MARCHF1: variants seen among roughly 807,000 people sequenced by gnomAD.
The protein encoded by MARCHF1 is E3 ubiquitin-protein ligase MARCHF1.
In MARCHF1, 40 loss-of-function variants were observed where a neutral mutation model predicts 54.2. That is an observed-to-expected ratio of 0.74 (90% confidence interval 0.57 to 0.96). The LOEUF (loss-of-function observed/expected upper bound fraction) is 0.96. MARCHF1 is among the 40% of genes least tolerant of loss of function. MARCHF1 has a pLI of 0.00. For missense variants in MARCHF1, 586 were observed against 656.5 expected (o/e 0.89, Z 1.17); for synonymous variants, 236 against 236.3 (o/e 1.00, Z 0.01).
chr4:163,688,497 T>A (rs1561020122), intron 5 of MARCHF1, among the ~76,000 whole-genome samples: 1 of 152,168 alleles, frequency 6.6e-6, no homozygotes, highest in South Asian at 2.1e-4. Flanking sequence ...CTTATTGTCA[T>A]AGTTAGAATA....
intron 2 of MARCHF1, among the ~76,000 whole-genome samples, chr4:164,037,992 A>G (rs1250271607): frequency 6.6e-6 from 1 of 152,166 alleles, no homozygotes; most frequent in African/African-American, 2.4e-5. Flanking sequence ...GTGGTGGGAA[A>G]GAAATGGGTG....
chr4:164,163,116 A>G (rs1730283799), intron 1 of MARCHF1, among the ~76,000 whole-genome samples: 1 of 152,146 alleles, frequency 6.6e-6, no homozygotes, highest in African/African-American at 2.4e-5. Context: ...CAATTAAAAT[A>G]GTAAAGAATG....
At chr4:163,848,496 T>G (rs1749550160) in intron 4 of MARCHF1, among the ~76,000 whole-genome samples, 1 of 152,220 alleles carries the variant, frequency 6.6e-6, no homozygotes, top group Non-Finnish European at 1.5e-5. Flanking sequence ...ATTTTTCAAC[T>G]CTAATCCTCA....
intron 4 of MARCHF1, among the ~76,000 whole-genome samples, chr4:163,755,074 T>G (rs529072244): frequency 6.6e-6 from 1 of 152,274 alleles, no homozygotes; most frequent in South Asian, 2.1e-4. Flanking sequence ...TTAGTAGGGG[T>G]GTGGTGGTGG....
chr4:164,220,181 T>C (rs763994331), intron 1 of MARCHF1, among the ~76,000 whole-genome samples: 2 of 150,946 alleles, frequency 1.3e-5, no homozygotes, highest in South Asian at 4.2e-4. Flanking sequence ...GAGATTTACA[T>C]ATATATATTT....
chr4:164,350,384 T>C (rs1159867353), intron 1 of MARCHF1, among the ~76,000 whole-genome samples: 1 of 152,138 alleles, frequency 6.6e-6, no homozygotes, highest in East Asian at 1.9e-4. Flanking sequence ...GAGAGGTTTG[T>C]TAATGGATAG....
intron 4 of MARCHF1, among the ~76,000 whole-genome samples, chr4:163,796,333 T>G (rs559042120): frequency 1.3e-5 from 2 of 150,924 alleles, no homozygotes; most frequent in Non-Finnish European, 3.0e-5. Context: ...TTCAAGTGAT[T>G]CTCCTGCCTC....
intron 1 of MARCHF1, among the ~76,000 whole-genome samples, chr4:164,113,476 A>G (rs13137507): frequency 0.84 from 127,559 of 151,842 alleles, 54,089 homozygotes; most frequent in Non-Finnish European, 0.89. Context: ...GAGGGAGGGA[A>G]AGATAAAGAA....
At chr4:163,968,230 T>C (rs1752481452) in intron 3 of MARCHF1, among the ~76,000 whole-genome samples, 2 of 104,440 alleles carry the variant, frequency 1.9e-5, no homozygotes, top group Admixed American at 1.2e-4. Flanking sequence ...TTGGACCCTA[T>C]TTGCTATACT....
At position 164,025,222 on chromosome 4, in the gene MARCHF1, G is replaced by T. The variant is rs184785236; in HGVS notation, c.-247-36513C>A. 3.9e-4 allele frequency among the ~76,000 whole-genome samples: 60 copies of T among 152,158 alleles called. No homozygotes were observed. The East Asian group carries it at 8.9e-3, about 23-fold the overall frequency. The stretch of plus-strand genomic sequence containing the variant: ...TAACAAAAAAATTCTGGACTTAAAT[G>T]TGACAATCAATTGAAACTAATAGAC... On this transcript the variant is annotated intron_variant, in intron 2 of 9. Coordinates refer to ENST00000514618, the MANE Select transcript of MARCHF1 (RefSeq NM_001394959.1).
At chr4:163,979,977 G>A (rs868691652) in intron 3 of MARCHF1, among the ~76,000 whole-genome samples, 1 of 152,004 alleles carries the variant, frequency 6.6e-6, no homozygotes, top group Non-Finnish European at 1.5e-5. Context: ...TAGGTTGCCT[G>A]TTCACTAATG....
intron 3 of MARCHF1, among the ~76,000 whole-genome samples, chr4:163,915,519 G>A (rs1751288821): frequency 6.6e-6 from 1 of 151,786 alleles, no homozygotes; most frequent in Non-Finnish European, 1.5e-5. Context: ...ATAACTTTAG[G>A]TAAAAACTAA....
chr4:164,140,716 C>A (rs972784332), intron 1 of MARCHF1, among the ~76,000 whole-genome samples: 2 of 151,834 alleles, frequency 1.3e-5, no homozygotes, highest in East Asian at 3.9e-4. Context: ...AGCAGCAGGA[C>A]CTTGATGGAA....
chr4:163,779,444 T>C (rs1373644165), intron 4 of MARCHF1, among the ~76,000 whole-genome samples: 3 of 151,682 alleles, frequency 2.0e-5, no homozygotes, highest in African/African-American at 7.3e-5. Context: ...TTAGACTGTA[T>C]ACATAAGGAG....
At chr4:164,083,232 T>G (rs544932556) in intron 2 of MARCHF1, among the ~76,000 whole-genome samples, 4 of 152,160 alleles carry the variant, frequency 2.6e-5, no homozygotes, top group African/African-American at 9.6e-5. Flanking sequence ...CTCTGCGGGG[T>G]GGTGAAATAA....
intron 3 of MARCHF1, among the ~76,000 whole-genome samples, chr4:163,893,551 T>C (rs143455125): frequency 2.0e-5 from 3 of 152,196 alleles, no homozygotes; most frequent in East Asian, 3.9e-4. Flanking sequence ...CCATGGAAAA[T>C]AATTTTCTGA....
rs1553987058 is a variant in MARCHF1 at position 164,151,139 on chromosome 4, G to GCTCCAGAACTC, written c.-322-39488_-322-39478dup. Among the ~76,000 whole-genome samples, 1,122 of 152,150 alleles carry GCTCCAGAACTC rather than the reference G, an allele frequency of 7.4e-3. 10 individuals carry two copies. The highest frequency in any genetic ancestry group is 0.021 in the African/African-American group (874 of 41,482). ...TTGAGCCCAAGGAGATCCACTTTGG[G>GCTCCAGAACTC]CTCCAGAACTCTAAGAAAATAAATG... is the stretch of plus-strand genomic sequence containing the variant. On this transcript the variant is annotated intron_variant, in intron 1 of 9. Transcript: ENST00000514618.
At chr4:164,345,739 G>A (rs1285873769) in intron 1 of MARCHF1, among the ~76,000 whole-genome samples, 1 of 151,570 alleles carries the variant, frequency 6.6e-6, no homozygotes, top group African/African-American at 2.4e-5. Flanking sequence ...ATTGGACCTT[G>A]GCTTCCCTAC....
chr4:164,257,517 T>C (rs1733325059), intron 1 of MARCHF1, among the ~76,000 whole-genome samples: 1 of 151,854 alleles, frequency 6.6e-6, no homozygotes, highest in Non-Finnish European at 1.5e-5. Context: ...AATTACATTC[T>C]TATCTATTAA....
Sources: allele counts gnomAD v4.1 joint callset (sites outside exome capture counted in the v4.1 genomes callset), GRCh38; gene constraint gnomAD v4.1.1; transcripts MANE v1.5; gene names NCBI Gene and HGNC (gene_info 2026-07-23, HGNC 2026-07-21).